The following NDUFS4 variants were observed in gnomAD, a reference collection of about 807,000 sequenced individuals.
The protein encoded by NDUFS4 is NADH:ubiquinone oxidoreductase subunit S4, also known as NADH dehydrogenase [ubiquinone] iron-sulfur protein 4, mitochondrial.
In NDUFS4, 28 loss-of-function variants were observed where a neutral mutation model predicts 24.3. The ratio of observed to expected loss-of-function variants is 1.15; its 90% CI spans 0.85 to 1.58. The LOEUF (loss-of-function observed/expected upper bound fraction) is 1.58, where lower values mean the gene tolerates loss of function less well. Ranked by LOEUF, NDUFS4 falls within the 40% of genes most tolerant of loss-of-function variation. The pLI, the probability that NDUFS4 is intolerant of heterozygous loss-of-function variation, is 0.00. For synonymous variants in NDUFS4, 93 were observed against 69.7 expected (o/e 1.34, Z -1.67); for missense variants, 223 against 207.9 (o/e 1.07, Z -0.45).
At chr5:53,561,607 A>G (rs1195693400) in intron 1 of NDUFS4, among the ~76,000 whole-genome samples, 1 of 151,994 alleles carries the variant, frequency 6.6e-6, no homozygotes, top group African/African-American at 2.4e-5. Context: ...ATACGTACAT[A>G]CACACACATA....
At chr5:53,675,454 G>T (rs368426223) in intron 4 of NDUFS4, among the ~76,000 whole-genome samples, 9 of 152,106 alleles carry the variant, frequency 5.9e-5, no homozygotes, top group African/African-American at 2.2e-4. Context: ...GAGCCACCAC[G>T]CCAGGCCCAG....
chr5:53,572,649 GTT>G (rs757713153), intron 1 of NDUFS4, among the ~76,000 whole-genome samples: 1 of 143,496 alleles, frequency 7.0e-6, no homozygotes, highest in Non-Finnish European at 1.5e-5. Flanking sequence ...TCTTCTTGAA[GTT>G]TTTTTTTTTT....
chr5:53,635,311 A>G (rs1561377401), intron 2 of NDUFS4, among the ~76,000 whole-genome samples: 6 of 151,788 alleles, frequency 4.0e-5, no homozygotes. Flanking sequence ...CTGGAGTTCG[A>G]GACCAGCCTA....
In NDUFS4 at chr5:53,683,309, T is replaced by A. The variant is rs1740746273; in HGVS notation, c.*88T>A. The A allele has an allele frequency of 1.1e-6, 1 of 950,450 alleles. No individual in the cohort carries two copies. The highest frequency in any genetic ancestry group is 1.7e-6 in the Non-Finnish European group (1 of 586,396). 58.9% of individuals were successfully genotyped at this position (950,450 alleles called of 1,614,324 possible). A position where few individuals can be genotyped will look rare whatever the true frequency, so the allele number is the denominator to read the frequency against. ...CATGTATAATAAATACATCTCTTAA[T>A]CTCCTAATAAATTGGACCTTTAAAC... is the stretch of plus-strand genomic sequence containing the variant. On this transcript the variant is annotated 3_prime_UTR_variant, in exon 5 of 5. Coordinates refer to ENST00000296684, the MANE Select transcript of NDUFS4 (RefSeq NM_002495.4).
intron 1 of NDUFS4, among the ~76,000 whole-genome samples, chr5:53,570,492 T>G (rs1749174392): frequency 6.6e-6 from 1 of 152,124 alleles, no homozygotes. Flanking sequence ...TTTATGTGAA[T>G]TATGATTTTG....
chr5:53,571,476 T>C (rs545934601), intron 1 of NDUFS4, among the ~76,000 whole-genome samples: 4 of 152,366 alleles, frequency 2.6e-5, no homozygotes, highest in African/African-American at 9.6e-5. Flanking sequence ...ACATGAATAG[T>C]GTTCTGTGGA....
At chr5:53,629,466 A>G (rs1027145485) in intron 2 of NDUFS4, among the ~76,000 whole-genome samples, 3 of 152,048 alleles carry the variant, frequency 2.0e-5, no homozygotes, top group Admixed American at 1.3e-4. Context: ...TGTGTCTAAT[A>G]TTGACAGTGG....
At chr5:53,619,486 CA>C (rs70983366) in intron 2 of NDUFS4, among the ~76,000 whole-genome samples, 1,152 of 49,030 alleles carry the variant, frequency 0.023, 2 homozygotes, top group Non-Finnish European at 0.027. Context: ...GACTCTGTCT[CA>C]AAAAAAAAAA....
At chr5:53,607,927 T>C (rs1431642546) in intron 2 of NDUFS4, among the ~76,000 whole-genome samples, 1 of 152,110 alleles carries the variant, frequency 6.6e-6, no homozygotes, top group Admixed American at 6.5e-5. Context: ...AAAAATAGAG[T>C]TTTTTAAATT....
chr5:53,677,677 G>T (rs1219520618), intron 4 of NDUFS4, among the ~76,000 whole-genome samples: 4 of 152,190 alleles, frequency 2.6e-5, no homozygotes, highest in African/African-American at 9.6e-5. Flanking sequence ...ATAGCCTGGT[G>T]AAGAATCTTG....
At chr5:53,675,222 C>G (rs1740423855) in intron 4 of NDUFS4, among the ~76,000 whole-genome samples, 1 of 126,762 alleles carries the variant, frequency 7.9e-6, no homozygotes, top group African/African-American at 3.0e-5. Context: ...AGTGCAGTGG[C>G]TGCAATCTCA....
chr5:53,656,211 G>GTT (rs1218840857), intron 3 of NDUFS4, among the ~76,000 whole-genome samples: 5 of 64,012 alleles, frequency 7.8e-5, no homozygotes, highest in Non-Finnish European at 1.6e-4. Flanking sequence ...TTCTCTAGAA[G>GTT]TTTATTTTTT....
At chr5:53,632,720 C>T (rs547964026) in intron 2 of NDUFS4, among the ~76,000 whole-genome samples, 1 of 152,190 alleles carries the variant, frequency 6.6e-6, no homozygotes, top group African/African-American at 2.4e-5. Flanking sequence ...GAACACAGTG[C>T]TGTGCTTTCT....
intron 3 of NDUFS4, 151 bp downstream of exon 3, chr5:53,646,556 A>T: frequency 1.3e-6 from 1 of 759,568 alleles, no homozygotes; most frequent in Non-Finnish European, 2.2e-6. Context: ...AAAGATACAC[A>T]TTATATATTT....
At chr5:53,585,603 G>T (rs1366745881) in intron 1 of NDUFS4, among the ~76,000 whole-genome samples, 1 of 152,070 alleles carries the variant, frequency 6.6e-6, no homozygotes, top group African/African-American at 2.4e-5. Context: ...TTAGCCGGGC[G>T]TGGTGGTACT....
intron 2 of NDUFS4, among the ~76,000 whole-genome samples, chr5:53,619,306 TAAA>T (rs113660312): frequency 0.33 from 23,990 of 72,130 alleles, 2,037 homozygotes; most frequent in East Asian, 0.4. Flanking sequence ...GCTAAAAATT[TAAA>T]AAAAAAAAAA....
intron 2 of NDUFS4, among the ~76,000 whole-genome samples, chr5:53,639,906 T>A (rs1751663191): frequency 6.6e-6 from 1 of 152,092 alleles, no homozygotes; most frequent in Non-Finnish European, 1.5e-5. Flanking sequence ...AGAAAAAGAA[T>A]GTAAGTTTTT....
At chr5:53,581,926 C>G (rs184521940) in intron 1 of NDUFS4, among the ~76,000 whole-genome samples, 2 of 152,098 alleles carry the variant, frequency 1.3e-5, no homozygotes, top group Non-Finnish European at 2.9e-5. Flanking sequence ...TAAATGTGAG[C>G]TAGGGCTGGG....
intron 1 of NDUFS4, among the ~76,000 whole-genome samples, chr5:53,578,679 A>T (rs1749463351): frequency 1.3e-5 from 2 of 152,164 alleles, no homozygotes; most frequent in Non-Finnish European, 2.9e-5. Flanking sequence ...CATATGCTAT[A>T]AGTGCCTGAA....
Sources: gnomAD v4.1 joint callset for allele counts (sites outside exome capture counted in the v4.1 genomes callset) on GRCh38, gnomAD v4.1.1 for gene constraint, MANE v1.5 for transcripts, NCBI Gene and HGNC (gene_info 2026-07-23, HGNC 2026-07-21) for gene names.